NDRG3: variants seen among roughly 807,000 people sequenced by gnomAD.
NDRG3 encodes NDRG family member 3.
In NDRG3, 23 loss-of-function variants were observed where a neutral mutation model predicts 57.2. The observed-to-expected ratio is 0.40, with a 90% confidence interval of 0.29 to 0.57. NDRG3 has a LOEUF of 0.57. Ranked by LOEUF, NDRG3 falls within the 20% of genes least tolerant of loss-of-function variation. The probability of loss-of-function intolerance (pLI) is 0.42; values close to 1 mark genes in which losing one functional copy is unlikely to be tolerated. For synonymous variants in NDRG3, 132 were observed against 162.6 expected (o/e 0.81, Z 1.43); for missense variants, 384 against 457.3 (o/e 0.84, Z 1.46).
Position 36,681,013 on chromosome 20 carries a change from T to G in NDRG3, c.445-111A>C, listed in dbSNP as rs1338695565. ...CTTACATGCCTTAATGCCTCACATT[T>G]GAAAGTAAGACTACAAAGAGGGAGA... On this transcript the variant is annotated intron_variant, in intron 7 of 15. Coordinates refer to ENST00000349004, the MANE Select transcript of NDRG3 (RefSeq NM_032013.4). 1.1e-5 allele frequency: 9 copies of G among 797,432 alleles called. No homozygotes were observed. In the Admixed American group the frequency reaches 2.2e-4, roughly 19 times the overall value. 49.4% of individuals were successfully genotyped at this position (797,432 alleles called of 1,614,324 possible).
chr20:36,668,291 T>C (rs564355396), intron 9 of NDRG3, among the ~76,000 whole-genome samples: 8 of 152,266 alleles, frequency 5.3e-5, no homozygotes, highest in African/African-American at 1.9e-4. Context: ...ACACAAATTA[T>C]AGTCCTCTAG....
intron 12 of NDRG3, among the ~76,000 whole-genome samples, chr20:36,661,375 C>T (rs1021027347): frequency 2.0e-5 from 3 of 152,146 alleles, no homozygotes; most frequent in Non-Finnish European, 4.4e-5. Context: ...TATTTTAGGG[C>T]TATTTTGATC....
In NDRG3 at chr20:36,742,657, C is replaced by G. The variant is rs186030480; in HGVS notation, c.-49+3388G>C. ...ACACCCCATGTAGGAATATCTTATT[C>G]CATTATAGTCTAATATTGCTTTGCT... is the stretch of plus-strand genomic sequence containing the variant. On this transcript the variant is annotated intron_variant, in intron 1 of 15. Coordinates refer to ENST00000349004, the MANE Select transcript of NDRG3 (RefSeq NM_032013.4). 1.9e-3 allele frequency among the ~76,000 whole-genome samples: 285 copies of G among 152,236 alleles called. 1 individual carries two copies. Among genetic ancestry groups the G allele is most frequent in the Non-Finnish European group, 3.4e-3 (232 of 68,016 alleles).
In NDRG3 at chr20:36,653,765, T is replaced by A; in HGVS notation, c.947-64A>T. 1 of 1,485,020 alleles carries A rather than the reference T, an allele frequency of 6.7e-7. No individual in the cohort carries two copies. Among genetic ancestry groups the A allele is most frequent in the East Asian group, 2.3e-5 (1 of 44,018 alleles). The allele number at this position is 1,485,020 out of a possible 1,614,324, so 92.0% of individuals were successfully genotyped here. ...CGGTTAAGCCCAGCTAACCTAGGAG[T>A]CTCATCAAAGTCTTTATGTTTAGCT... On this transcript the variant is annotated intron_variant, in intron 15 of 15. Transcript: ENST00000349004. The surrounding 1 kb of genome is among the most constrained non-coding windows in gnomAD (Gnocchi z 4.2).
intron 8 of NDRG3, 87 bp from the exon 9 acceptor site, chr20:36,671,484 T>C (rs1023535450): frequency 8.3e-6 from 8 of 967,548 alleles, no homozygotes; most frequent in Non-Finnish European, 1.3e-5. Context: ...CACTTTATTA[T>C]ATATGTTATC....
Position 36,654,766 on chromosome 20 carries a change from G to A in NDRG3, c.947-1065C>T, listed in dbSNP as rs560431131. The A allele has an allele frequency of 3.0e-5, 23 of 779,592 alleles. 1 individual carries two copies. The South Asian group carries it at 3.1e-4, about 10-fold the overall frequency. 48.3% of individuals were successfully genotyped at this position (779,592 alleles called of 1,614,324 possible). ...GCAGCCAGTGCAGCCAGGAGAGACT[G>A]GAAGGCGGGGCAGGGCCAGCACAGA... On this transcript the variant is annotated intron_variant, in intron 15 of 15. Coordinates refer to ENST00000349004, the MANE Select transcript of NDRG3 (RefSeq NM_032013.4).
intron 6 of NDRG3, 64 bp from the exon 7 acceptor site, chr20:36,682,642 T>G (rs1350682157): frequency 7.3e-7 from 1 of 1,371,834 alleles, no homozygotes; most frequent in East Asian, 2.3e-5. Flanking sequence ...ATTGCATAAT[T>G]GAAAGCATAC....
chr20:36,653,672 G>A lies in NDRG3; in HGVS notation c.976C>T (p.Arg326Ter), dbSNP rs1978407915. The A allele has an allele frequency of 1.9e-6, 3 of 1,613,766 alleles. No individual in the cohort carries two copies. The highest frequency in any genetic ancestry group is 1.3e-5 in the African/African-American group (1 of 74,920). ...CTCGAGGTTGAGTGGGTTCGTGATC[G>A]GGCGAGCCGAGTCATGCTGGCAGAT... ...IPSASMTRLA[R>*]SRTHSTSSSL... Residue 326 changes from arginine (R) to a stop codon, truncating the protein, a stop_gained, in exon 16 of 16, where the codon CGA becomes TGA. Coordinates refer to ENST00000349004, the MANE Select transcript of NDRG3 (RefSeq NM_032013.4). LOFTEE classifies it high-confidence loss of function. This position sits in a 1 kb window ranked among gnomAD's most constrained non-coding sequence, Gnocchi z 4.2.
chr20:36,685,185 A>C (rs951968818), intron 5 of NDRG3, among the ~76,000 whole-genome samples: 4 of 152,164 alleles, frequency 2.6e-5, no homozygotes, highest in African/African-American at 9.7e-5. Context: ...TAGGCAACTA[A>C]ATGCAAAAAT....
intron 13 of NDRG3, among the ~76,000 whole-genome samples, chr20:36,656,972 C>G (rs918258307): frequency 6.6e-6 from 1 of 152,192 alleles, no homozygotes; most frequent in Non-Finnish European, 1.5e-5. Context: ...CTGATTCAGC[C>G]GGCTTGCTCA....
intron 2 of NDRG3, among the ~76,000 whole-genome samples, chr20:36,719,409 G>C (rs1461515204): frequency 7.2e-6 from 1 of 138,838 alleles, no homozygotes; most frequent in Admixed American, 7.7e-5. Context: ...CCTGGTGACA[G>C]AGCAAGACTC....
At chr20:36,664,453 G>A (rs1290525052) in intron 12 of NDRG3, among the ~76,000 whole-genome samples, 2 of 152,160 alleles carry the variant, frequency 1.3e-5, no homozygotes, top group Admixed American at 6.5e-5. Context: ...ATCTATTCCA[G>A]ATTAAAGGCT....
intron 9 of NDRG3, among the ~76,000 whole-genome samples, chr20:36,671,020 C>A (rs1329813958): frequency 1.3e-5 from 2 of 152,178 alleles, no homozygotes; most frequent in Non-Finnish European, 2.9e-5. Context: ...ATTTCTATTT[C>A]TGTGAAGCCT....
intron 2 of NDRG3, among the ~76,000 whole-genome samples, chr20:36,712,072 G>A (rs1294286638): frequency 6.6e-6 from 1 of 152,096 alleles, no homozygotes; most frequent in Non-Finnish European, 1.5e-5. Context: ...ACAGGTGTGA[G>A]CCACCGCACC....
chr20:36,716,621 T>C (rs1385225312), intron 2 of NDRG3, among the ~76,000 whole-genome samples: 6 of 152,160 alleles, frequency 3.9e-5, no homozygotes, highest in African/African-American at 1.4e-4. Context: ...CTACTAAACA[T>C]TTATTCCCCT....
At chr20:36,709,765 G>T (rs1025292988) in intron 2 of NDRG3, among the ~76,000 whole-genome samples, 3 of 152,178 alleles carry the variant, frequency 2.0e-5, no homozygotes, top group Non-Finnish European at 2.9e-5. Context: ...GTGAGTTTCT[G>T]GTTCCTGATT....
At chr20:36,718,125 T>C (rs545668970) in intron 2 of NDRG3, among the ~76,000 whole-genome samples, 1 of 152,302 alleles carries the variant, frequency 6.6e-6, no homozygotes, top group African/African-American at 2.4e-5. Flanking sequence ...AATGAAGTAA[T>C]GGATGAGAGG....
At chr20:36,742,723 C>T (rs1187620489) in intron 1 of NDRG3, among the ~76,000 whole-genome samples, 1 of 152,106 alleles carries the variant, frequency 6.6e-6, no homozygotes, top group Non-Finnish European at 1.5e-5. Context: ...GATTTTAGTA[C>T]AGTTAAAGAC....
intron 2 of NDRG3, among the ~76,000 whole-genome samples, chr20:36,715,126 T>C (rs1414550907): frequency 6.7e-6 from 1 of 148,604 alleles, no homozygotes; most frequent in Non-Finnish European, 1.5e-5. Context: ...AAGAAATTTA[T>C]AAAGAGGTTG....
Sources: gnomAD v4.1 joint callset for allele counts (sites outside exome capture counted in the v4.1 genomes callset) on GRCh38, gnomAD v4.1.1 for gene constraint, Gnocchi (gnomAD v3.1) non-coding constraint, MANE v1.5 for transcripts, NCBI Gene and HGNC (gene_info 2026-07-23, HGNC 2026-07-21) for gene names.